Variants in SPOCK1 observed in about 807,000 individuals in gnomAD.
SPOCK1 encodes SPARC (osteonectin), cwcv and kazal like domains proteoglycan 1, also known as testican-1.
Under a neutral mutation model 55.3 loss-of-function variants are expected in SPOCK1, and 23 were observed. The ratio of observed to expected loss-of-function variants is 0.42; its 90% CI spans 0.30 to 0.59. The LOEUF (loss-of-function observed/expected upper bound fraction) is 0.59, where lower values mean the gene tolerates loss of function less well. Ranked by LOEUF, SPOCK1 falls within the 20% of genes least tolerant of loss-of-function variation. The probability of loss-of-function intolerance (pLI) is 0.22; values close to 1 mark genes in which losing one functional copy is unlikely to be tolerated. For missense variants in SPOCK1, 499 were observed against 552.5 expected, an observed-to-expected ratio of 0.90 and a Z score of 0.97; for synonymous variants, 226 against 221.0, an observed-to-expected ratio of 1.02 and a Z score of -0.20.
intron 2 of SPOCK1, among the ~76,000 whole-genome samples, chr5:137,272,350 TCC>T (rs1756980528): frequency 6.6e-6 from 1 of 152,230 alleles, no homozygotes; most frequent in Non-Finnish European, 1.5e-5. Context: ...AAGTGAGATT[TCC>T]AGACCATTAT....
chr5:137,211,643 G>C (rs1422033116), intron 3 of SPOCK1, among the ~76,000 whole-genome samples: 1 of 152,162 alleles, frequency 6.6e-6, no homozygotes, highest in Admixed American at 6.5e-5. Context: ...CTGGTCACCA[G>C]AAAGACCAAG....
intron 2 of SPOCK1, among the ~76,000 whole-genome samples, chr5:137,427,637 C>T (rs534938699): frequency 6.6e-6 from 1 of 152,228 alleles, no homozygotes; most frequent in Non-Finnish European, 1.5e-5. Flanking sequence ...TGGCTGGGCA[C>T]GATGGCTCAC....
intron 2 of SPOCK1, among the ~76,000 whole-genome samples, chr5:137,338,389 G>A (rs2127154719): frequency 6.6e-6 from 1 of 152,148 alleles, no homozygotes. Flanking sequence ...TGGTGTATAT[G>A]TGCCACATTT....
intron 3 of SPOCK1, among the ~76,000 whole-genome samples, chr5:137,252,131 G>A (rs1469254753): frequency 5.3e-5 from 8 of 152,114 alleles, no homozygotes; most frequent in Non-Finnish European, 8.8e-5. Context: ...TCACCATGTT[G>A]TCCAGGCTGG....
At chr5:137,333,583 C>G (rs918616294) in intron 2 of SPOCK1, among the ~76,000 whole-genome samples, 5 of 152,178 alleles carry the variant, frequency 3.3e-5, no homozygotes, top group Admixed American at 6.5e-5. Context: ...AAGAAACACA[C>G]AGGATCTCAA....
intron 5 of SPOCK1, among the ~76,000 whole-genome samples, chr5:137,077,401 G>A (rs974186305): frequency 2.0e-5 from 3 of 152,222 alleles, no homozygotes; most frequent in African/African-American, 4.8e-5. Flanking sequence ...GAGAACAGGA[G>A]GTGCCCTGCT....
At chr5:136,982,336 T>A (rs1750748911) in intron 9 of SPOCK1, among the ~76,000 whole-genome samples, 1 of 152,234 alleles carries the variant, frequency 6.6e-6, no homozygotes, top group Admixed American at 6.5e-5. Flanking sequence ...TTCTGTGGAA[T>A]TATTTTTGTA....
Position 137,253,994 on chromosome 5 carries a change from T to G in SPOCK1, c.232+13016A>C, listed in dbSNP as rs183189878. ...GGGTGAAGGAATCTGTGCCTTGCTA[T>G]GAGAACAGAATGATGAATGCTCACT... On this transcript the variant is annotated intron_variant, in intron 3 of 10. Coordinates refer to ENST00000394945, the MANE Select transcript of SPOCK1 (RefSeq NM_004598.4). Among the ~76,000 whole-genome samples the G allele has an allele frequency of 1.1e-3, 169 of 152,344 alleles. 1 individual carries two copies. In the Middle Eastern group the frequency reaches 0.017, roughly 15 times the overall value.
intron 2 of SPOCK1, among the ~76,000 whole-genome samples, chr5:137,410,687 G>A (rs1752191805): frequency 6.6e-6 from 1 of 152,216 alleles, no homozygotes; most frequent in South Asian, 2.1e-4. Context: ...CAAAGATTAG[G>A]CAAGCAAGAT....
intron 2 of SPOCK1, among the ~76,000 whole-genome samples, chr5:137,497,578 G>A (rs1164124743): frequency 1.3e-5 from 2 of 152,186 alleles, no homozygotes; most frequent in Non-Finnish European, 2.9e-5. Flanking sequence ...TGCACCAGAT[G>A]CCTCTTGCCC....
intron 4 of SPOCK1, among the ~76,000 whole-genome samples, chr5:137,131,692 C>A (rs1210671274): frequency 2.0e-5 from 3 of 147,420 alleles, no homozygotes; most frequent in Admixed American, 6.8e-5. Flanking sequence ...ATATCTCCCC[C>A]CCGGGTGTGG....
At chr5:137,245,972 A>G (rs1451117670) in intron 3 of SPOCK1, among the ~76,000 whole-genome samples, 2 of 152,204 alleles carry the variant, frequency 1.3e-5, no homozygotes, top group African/African-American at 4.8e-5. Flanking sequence ...ATGCATGCCT[A>G]TAATAACTAT....
intron 2 of SPOCK1, among the ~76,000 whole-genome samples, chr5:137,451,117 A>G (rs1380193206): frequency 1.3e-5 from 2 of 152,034 alleles, no homozygotes; most frequent in Admixed American, 1.3e-4. Flanking sequence ...CCAGGACTCA[A>G]ACTTTTCAGG....
chr5:137,155,098 C>A (rs1754390213), intron 3 of SPOCK1, among the ~76,000 whole-genome samples: 1 of 152,156 alleles, frequency 6.6e-6, no homozygotes, highest in Admixed American at 6.6e-5. Flanking sequence ...AAATGCTTAA[C>A]ATTGATCTTT....
chr5:137,192,848 T>G (rs908139849), intron 3 of SPOCK1, among the ~76,000 whole-genome samples: 2 of 152,178 alleles, frequency 1.3e-5, no homozygotes, highest in Admixed American at 6.5e-5. Context: ...TGCAAAATAA[T>G]AGTATGTAAT....
intron 3 of SPOCK1, among the ~76,000 whole-genome samples, chr5:137,189,862 T>A (rs767178979): frequency 2.0e-5 from 3 of 151,930 alleles, no homozygotes; most frequent in Non-Finnish European, 4.4e-5. Context: ...GAAGTAAAAA[T>A]ACCAACATTA....
intron 2 of SPOCK1, among the ~76,000 whole-genome samples, chr5:137,323,394 C>T (rs1237151160): frequency 6.6e-6 from 1 of 152,068 alleles, no homozygotes; most frequent in Non-Finnish European, 1.5e-5. Context: ...ACAAAATAGA[C>T]TTTAAGTCAA....
At chr5:136,995,427 G>A (rs1382553937) in intron 6 of SPOCK1, among the ~76,000 whole-genome samples, 1 of 152,150 alleles carries the variant, frequency 6.6e-6, no homozygotes, top group Non-Finnish European at 1.5e-5. Flanking sequence ...CACACTTATT[G>A]GATCCAACTC....
chr5:137,112,699 C>T (rs1580756766), intron 4 of SPOCK1, 138 bp from the exon 5 acceptor site: 2 of 1,063,550 alleles, frequency 1.9e-6, no homozygotes, highest in Non-Finnish European at 2.6e-6. Context: ...CCTTAGCCAG[C>T]ACTTCCATTT....
Sources: gnomAD v4.1 joint callset for allele counts (sites outside exome capture counted in the v4.1 genomes callset) on GRCh38, gnomAD v4.1.1 for gene constraint, MANE v1.5 for transcripts, NCBI Gene and HGNC (gene_info 2026-07-23, HGNC 2026-07-21) for gene names.